The following CHST10 variants were observed in gnomAD, a reference collection of about 807,000 sequenced individuals.
CHST10 encodes HNK-1 sulfotransferase.
A neutral mutation model predicts 34.7 loss-of-function variants in CHST10; 24 were observed. The observed-to-expected ratio is 0.69, with a 90% CI of 0.50 to 0.97. CHST10 has a LOEUF of 0.97. Among genes scored for constraint, CHST10 ranks in the 50% least tolerant of loss-of-function variants. The pLI is 0.00. For missense variants in CHST10, 402 were observed against 452.1 expected (o/e 0.89, Z 1.00); for synonymous variants, 161 against 169.3 (o/e 0.95, Z 0.38).
At chr2:100,412,304 A>G (rs893795887) in intron 2 of CHST10, among the ~76,000 whole-genome samples, 4 of 152,104 alleles carry the variant, frequency 2.6e-5, no homozygotes, top group Non-Finnish European at 4.4e-5. Context: ...GATCCACATT[A>G]TCTGGTGTGG....
At chr2:100,416,301 C>A (rs1368750131) in intron 1 of CHST10, 1 of 152,234 alleles carries the variant, frequency 6.6e-6, no homozygotes, top group Non-Finnish European at 1.5e-5. Context: ...TTTACAAATT[C>A]TTTCCTTTCT....
rs1455447305 is a variant in CHST10 at position 100,393,427 on chromosome 2, CCT to C, written c.887_888del (p.Glu296GlyfsTer4). On this transcript the variant is annotated frameshift_variant, in exon 7 of 7. Transcript: ENST00000264249. LOFTEE classifies it high-confidence loss of function. ...LEDDAPYILKEAGIDHLVSYP... is the reference protein window; with the variant it reads ...LEDDAPYILKXAGIDHLVSYP... ...TATGACACCAGGTGGTCAATGCCAG[CCT>C]CTTTTAAGATGTATGGGGCATCGTC... 6.2e-7 allele frequency: 1 copy of C among 1,614,056 alleles called. No individual in the cohort carries two copies. Among genetic ancestry groups the C allele is most frequent in the Admixed American group, 1.7e-5 (1 of 60,012 alleles).
intron 1 of CHST10, chr2:100,416,901 C>T: frequency 8.4e-7 from 1 of 1,191,696 alleles, no homozygotes; most frequent in Non-Finnish European, 1.1e-6. Context: ...TTCGGACAGG[C>T]CTCCTGACAG....
At chr2:100,400,245 A>G (rs1475107398) in intron 4 of CHST10, among the ~76,000 whole-genome samples, 1 of 152,178 alleles carries the variant, frequency 6.6e-6, no homozygotes, top group Non-Finnish European at 1.5e-5. Flanking sequence ...AGAGACAAAA[A>G]TTCTTCTTCT....
At chr2:100,396,948 G>A (rs1023872683) in intron 5 of CHST10, among the ~76,000 whole-genome samples, 5 of 152,198 alleles carry the variant, frequency 3.3e-5, no homozygotes, top group Non-Finnish European at 7.3e-5. Flanking sequence ...CACTGCAGAA[G>A]CACATTAATT....
intron 2 of CHST10, among the ~76,000 whole-genome samples, chr2:100,410,973 T>G (rs1675808167): frequency 6.6e-6 from 1 of 152,188 alleles, no homozygotes; most frequent in Non-Finnish European, 1.5e-5. Flanking sequence ...AAATCATGTA[T>G]GTGTGAAATA....
intron 4 of CHST10, among the ~76,000 whole-genome samples, chr2:100,402,260 G>T (rs1170431613): frequency 6.6e-6 from 1 of 152,110 alleles, no homozygotes; most frequent in Non-Finnish European, 1.5e-5. Flanking sequence ...GTTTCCTCCT[G>T]ACCCTGCCCA....
chr2:100,398,032 C>T lies in CHST10; in HGVS notation c.303G>A (p.Ser101=), dbSNP rs373281200. ...VCRDDALKNL[S]HTPVSKFVLD... ...GGACAAACTTGGAGACAGGAGTGTGCGAGAGATTCTTCAGGGCATCATCCC... is the reference window on the plus strand; with the variant it reads ...GGACAAACTTGGAGACAGGAGTGTGTGAGAGATTCTTCAGGGCATCATCCC... The change falls in exon 5 of 7, where the codon TCG becomes TCA. Residue 101 remains serine (S), a synonymous_variant. Coordinates refer to ENST00000264249, the MANE Select transcript of CHST10 (RefSeq NM_004854.5). 120 of 1,614,130 alleles carry T rather than the reference C, an allele frequency of 7.4e-5. No individual in the cohort carries two copies. The highest frequency in any genetic ancestry group is 2.7e-4 in the African/African-American group (20 of 75,032).
chr2:100,393,620 G>A lies in CHST10; in HGVS notation c.696C>T (p.Thr232=), dbSNP rs3748930. 6.2e-7 allele frequency: 1 copy of A among 1,613,762 alleles called. No individual in the cohort carries two copies. Among genetic ancestry groups the A allele is most frequent in the Non-Finnish European group, 8.5e-7 (1 of 1,179,946 alleles). Residue 232 remains threonine (T), a synonymous_variant, in exon 7 of 7, where the codon ACC becomes ACT. Transcript: ENST00000264249. ...CGAAATCTTCAAACTGGATCCCCCGGGTCTCTGTCCGGTTCCTCCTGTATT... is the reference window on the plus strand; with the variant it reads ...CGAAATCTTCAAACTGGATCCCCCGAGTCTCTGTCCGGTTCCTCCTGTATT... ...IRKYRRNRTE[T]RGIQFEDFVR...
chr2:100,405,809 G>C lies in CHST10; in HGVS notation c.100+767C>G, dbSNP rs141720747. Among the ~76,000 whole-genome samples, 25 of 152,288 alleles carry C rather than the reference G, an allele frequency of 1.6e-4. No individual in the cohort carries two copies. The East Asian group carries it at 4.6e-3, about 28-fold the overall frequency. On this transcript the variant is annotated intron_variant, in intron 3 of 6. Coordinates refer to ENST00000264249, the MANE Select transcript of CHST10 (RefSeq NM_004854.5). ...CCATGTGTCTGGCTTCCTCGTGCTTGCCTGCTTGGCCACTCAATGAAGTGG... is the reference window on the plus strand; with the variant it reads ...CCATGTGTCTGGCTTCCTCGTGCTTCCCTGCTTGGCCACTCAATGAAGTGG...
At chr2:100,417,100 A>G in intron 1 of CHST10, 1 of 1,286,684 alleles carries the variant, frequency 7.8e-7, no homozygotes, top group Admixed American at 2.3e-5. Flanking sequence ...TTCTCAGCCA[A>G]GGATGAAAGA....
rs1292402932 is a variant in CHST10, at chr2:100,416,617, C to T, written c.-104+757G>A. ...TTAACAGCGTCTGAGACATTTCTCA[C>T]TCTGGCACTCTAAGCAATGCAATAA... is the stretch of plus-strand genomic sequence containing the variant. On this transcript the variant is annotated intron_variant, in intron 1 of 6. Coordinates refer to ENST00000264249, the MANE Select transcript of CHST10 (RefSeq NM_004854.5). The T allele has an allele frequency of 1.3e-5, 3 of 232,030 alleles. No individual in the cohort carries two copies. In the East Asian group the frequency reaches 2.8e-4, roughly 22 times the overall value. 14.4% of individuals were successfully genotyped at this position (232,030 alleles called of 1,614,324 possible). A position where few individuals can be genotyped will look rare whatever the true frequency, so the allele number is the denominator to read the frequency against.
rs113796180 is a variant in CHST10, at chr2:100,395,497, A to C, written c.533+12T>G. On this transcript the variant is annotated intron_variant, in intron 6 of 6. Coordinates refer to ENST00000264249, the MANE Select transcript of CHST10 (RefSeq NM_004854.5). The stretch of plus-strand genomic sequence containing the variant: ...AAAACTCCCCCCTCCCCTTTGAGGA[A>C]GCTGTTCTCACCGCTTCTGAATTTC... 1.8e-4 allele frequency: 296 copies of C among 1,609,148 alleles called. 1 individual carries two copies. In the African/African-American group the frequency reaches 3.3e-3, roughly 18 times the overall value.
intron 2 of CHST10, among the ~76,000 whole-genome samples, chr2:100,413,095 A>C (rs1675914967): frequency 6.6e-6 from 1 of 152,228 alleles, no homozygotes. Flanking sequence ...TGTCTACAAG[A>C]GGACTGCGGC....
rs532560340 is a variant in CHST10, at chr2:100,398,080, C to T, written c.255G>A (p.Leu85=). Reference sequence around the variant, plus strand: ...CCCTGCAGACGTTTCTGATGAGTTCCAGGCGCTCCATGTAGACCAGGGGCT... The same window carrying T: ...CCCTGCAGACGTTTCTGATGAGTTCTAGGCGCTCCATGTAGACCAGGGGCT... The part of the protein sequence containing the change: ...LVQPLVYMER[L]ELIRNVCRDD... The change falls in exon 5 of 7, where the codon CTG becomes CTA. Residue 85 remains leucine (L), a synonymous_variant. Coordinates refer to ENST00000264249, the MANE Select transcript of CHST10 (RefSeq NM_004854.5). The T allele has an allele frequency of 3.7e-6, 6 of 1,614,174 alleles. No individual in the cohort carries two copies. In the African/African-American group the frequency reaches 6.7e-5, roughly 18 times the overall value.
At chr2:100,400,618 C>T (rs1314027051) in intron 4 of CHST10, among the ~76,000 whole-genome samples, 2 of 152,188 alleles carry the variant, frequency 1.3e-5, no homozygotes, top group East Asian at 3.8e-4. Context: ...TATACAAAGC[C>T]AACTTAAAGA....
intron 4 of CHST10, among the ~76,000 whole-genome samples, chr2:100,399,286 TTAG>T (rs1675226693): frequency 6.6e-6 from 1 of 152,126 alleles, no homozygotes; most frequent in Admixed American, 6.5e-5. Context: ...TGTTGTATTT[TTAG>T]TAGAGACGGG....
chr2:100,404,547 G>T (rs972211557), intron 3 of CHST10, among the ~76,000 whole-genome samples: 2 of 152,094 alleles, frequency 1.3e-5, no homozygotes, highest in African/African-American at 4.8e-5. Flanking sequence ...CCTGTTCTGC[G>T]CCTACACTTG....
At chr2:100,402,792 C>G in intron 3 of CHST10, 137 bp from the exon 4 acceptor site, 1 of 663,596 alleles carries the variant, frequency 1.5e-6, no homozygotes, top group East Asian at 2.8e-5. Flanking sequence ...AGCCATTCAG[C>G]GGAGGAGGGC....
Sources: gnomAD v4.1 joint callset for allele counts (sites outside exome capture counted in the v4.1 genomes callset) on GRCh38, gnomAD v4.1.1 for gene constraint, MANE v1.5 for transcripts, NCBI Gene and HGNC (gene_info 2026-07-23, HGNC 2026-07-21) for gene names.